HTR1D: variants seen among roughly 807,000 people sequenced by gnomAD.
HTR1D encodes the protein 5-HT-1D.
Under a neutral mutation model 21.1 loss-of-function variants are expected in HTR1D, and 18 were observed. The ratio of observed to expected loss-of-function variants is 0.85; its 90% CI spans 0.59 to 1.27. HTR1D has a LOEUF of 1.27. HTR1D is among the 50% of genes most tolerant of loss of function. The pLI is 0.00. For synonymous variants in HTR1D, 196 were observed against 204.4 expected, an observed-to-expected ratio of 0.96 and a Z score of 0.35; for missense variants, 456 against 481.4, an observed-to-expected ratio of 0.95 and a Z score of 0.49.
At chr1:23,201,523 T>C (rs138912244) in intron 1 of HTR1D, among the ~76,000 whole-genome samples, 1 of 152,284 alleles carries the variant, frequency 6.6e-6, no homozygotes, top group African/African-American at 2.4e-5. Context: ...CTCTGAGAAA[T>C]GGTAGTAAGA....
chr1:23,204,061 T>G (rs1186516616), intron 1 of HTR1D, among the ~76,000 whole-genome samples: 1 of 152,164 alleles, frequency 6.6e-6, no homozygotes, highest in African/African-American at 2.4e-5. Flanking sequence ...TCACCATGAT[T>G]GTGAGGCCTC....
chr1:23,193,053 A>G lies in HTR1D; in HGVS notation c.*33T>C, dbSNP rs767268781. ...GACAATCCCGATGAGGTTACAGGACACAAAAGATAACAAGAGTCATCACCG... is the reference window on the plus strand; with the variant it reads ...GACAATCCCGATGAGGTTACAGGACGCAAAAGATAACAAGAGTCATCACCG... On this transcript the variant is annotated 3_prime_UTR_variant, in exon 2 of 2. Coordinates refer to ENST00000374619, the MANE Select transcript of HTR1D (RefSeq NM_000864.5). 3 of 1,456,864 alleles carry G rather than the reference A, an allele frequency of 2.1e-6. No individual in the cohort carries two copies. Among genetic ancestry groups the G allele is most frequent in the African/African-American group, 2.8e-5 (2 of 70,226 alleles). The allele number at this position is 1,456,864 out of a possible 1,614,324, so 90.2% of individuals were successfully genotyped here.
At chr1:23,216,697 G>GA (rs1413952323) in intron 1 of HTR1D, among the ~76,000 whole-genome samples, 1 of 152,234 alleles carries the variant, frequency 6.6e-6, no homozygotes, top group Non-Finnish European at 1.5e-5. Context: ...ATCTAGCGGG[G>GA]ATCTCACTTA....
At chr1:23,213,822 G>A (rs942456424) in intron 1 of HTR1D, among the ~76,000 whole-genome samples, 1 of 152,144 alleles carries the variant, frequency 6.6e-6, no homozygotes, top group African/African-American at 2.4e-5. Context: ...GCTTCCCAAA[G>A]TGGTGGGATA....
In HTR1D at chr1:23,194,492, C is replaced by G; in HGVS notation, c.-273G>C. The G allele has an allele frequency of 4.6e-6, 1 of 219,368 alleles. No individual in the cohort carries two copies. The highest frequency in any genetic ancestry group is 9.9e-6 in the Non-Finnish European group (1 of 101,448). The allele number at this position is 219,368 out of a possible 1,614,324, so 13.6% of individuals were successfully genotyped here. A position where few individuals can be genotyped will look rare whatever the true frequency, so the allele number is the denominator to read the frequency against. ...TACCAGCTGGTAGTTAAAGGTCTTT[C>G]CTAAACCACAGGAATCCCAAGATGT... On this transcript the variant is annotated 5_prime_UTR_variant, in exon 2 of 2. Transcript: ENST00000374619.
At chr1:23,199,179 T>C (rs546041903) in intron 1 of HTR1D, among the ~76,000 whole-genome samples, 70 of 152,192 alleles carry the variant, frequency 4.6e-4, no homozygotes, top group Middle Eastern at 3.4e-3. Context: ...AGGGGCATGA[T>C]CACAGCTCAC....
At chr1:23,200,793 G>A (rs981892859) in intron 1 of HTR1D, among the ~76,000 whole-genome samples, 1 of 152,136 alleles carries the variant, frequency 6.6e-6, no homozygotes, top group Admixed American at 6.6e-5. Context: ...ATCACTGCCC[G>A]TTTTGGTGAG....
intron 1 of HTR1D, among the ~76,000 whole-genome samples, chr1:23,213,989 T>C (rs1644763883): frequency 6.6e-6 from 1 of 152,222 alleles, no homozygotes; most frequent in South Asian, 2.1e-4. Flanking sequence ...TCTCATTGCC[T>C]ACTGCTGGAA....
intron 1 of HTR1D, among the ~76,000 whole-genome samples, 196 bp from the exon 2 acceptor site, chr1:23,195,197 T>G (rs2148237992): frequency 6.6e-6 from 1 of 152,344 alleles, no homozygotes; most frequent in South Asian, 2.1e-4. Context: ...CAAAGAGTCG[T>G]AGCTTTTGGA....
In HTR1D at chr1:23,193,238, G is replaced by A. The variant is rs768488904; in HGVS notation, c.982C>T (p.Arg328Trp). The A allele has an allele frequency of 1.1e-5, 18 of 1,614,012 alleles. No homozygotes were observed. The highest frequency in any genetic ancestry group is 2.2e-5 in the East Asian group (1 of 44,890). ...FVVSLVLPIC[R>W]DSCWIHPALF... ...GCCGGGTGGATCCAGCAGGAGTCCC[G>A]GCAGATGGGGAGGACCAGAGACACC... The change falls in exon 2 of 2, where the codon CGG (arginine) becomes TGG (tryptophan). Residue 328 changes from arginine to tryptophan, a missense_variant. Physicochemically the swap from Arg to Trp is moderately radical, Grantham distance 101. Transcript: ENST00000374619.
At chr1:23,196,442 CAAAA>C (rs560936417) in intron 1 of HTR1D, among the ~76,000 whole-genome samples, 1 of 118,460 alleles carries the variant, frequency 8.4e-6, no homozygotes, top group Non-Finnish European at 1.8e-5. Context: ...GAAACTCTGC[CAAAA>C]AAAAAAAAAA....
intron 1 of HTR1D, among the ~76,000 whole-genome samples, chr1:23,196,454 AAAAG>A (rs1644689275): frequency 6.6e-6 from 1 of 151,688 alleles, no homozygotes; most frequent in East Asian, 2.0e-4. Flanking sequence ...AAAAAAAAAA[AAAAG>A]AAGGAGCAGC....
Position 23,193,995 on chromosome 1 carries a change from G to A in HTR1D, c.225C>T (p.Tyr75=). Residue 75 remains tyrosine, a synonymous_variant, in exon 2 of 2, where the codon TAC becomes TAT. Coordinates refer to ENST00000374619, the MANE Select transcript of HTR1D (RefSeq NM_000864.5). ...LTRKLHTPAN[Y]LIGSLATTDL... ...CGGTGGTGGCCAGGGAGCCAATCAGGTAGTTGGCAGGGGTGTGGAGCTTCC... is the reference window on the plus strand; with the variant it reads ...CGGTGGTGGCCAGGGAGCCAATCAGATAGTTGGCAGGGGTGTGGAGCTTCC... 1.2e-6 allele frequency: 2 copies of A among 1,614,150 alleles called. No individual in the cohort carries two copies. Among genetic ancestry groups the A allele is most frequent in the Non-Finnish European group, 1.7e-6 (2 of 1,180,026 alleles).
At chr1:23,215,182 CAAG>C (rs771333132) in intron 1 of HTR1D, among the ~76,000 whole-genome samples, 2 of 152,048 alleles carry the variant, frequency 1.3e-5, no homozygotes, top group Non-Finnish European at 2.9e-5. Context: ...TTTGGGAGGC[CAAG>C]GAGGGTGGAT....
rs1328619050 is a variant in HTR1D at position 23,194,093 on chromosome 1, CG to C, written c.126del (p.Val43TrpfsTer34). On this transcript the variant is annotated frameshift_variant, in exon 2 of 2. Coordinates refer to ENST00000374619, the MANE Select transcript of HTR1D (RefSeq NM_000864.5). LOFTEE classifies it high-confidence loss of function. ...GCCAGTGTGATGACGGAAAGGACCA[CG>C]GCAAGGGAGATCTTGAGCGCCTGGA... ...RTLQALKISLAVVLSVITLAT... is the reference protein window; with the variant it reads ...RTLQALKISLXVVLSVITLAT... The C allele has an allele frequency of 6.2e-7, 1 of 1,614,020 alleles. No homozygotes were observed. The highest frequency in any genetic ancestry group is 8.5e-7 in the Non-Finnish European group (1 of 1,180,042).
chr1:23,193,339 G>A lies in HTR1D; in HGVS notation c.881C>T (p.Ala294Val), dbSNP rs772577210. 6.2e-6 allele frequency: 10 copies of A among 1,614,046 alleles called. No homozygotes were observed. The highest frequency in any genetic ancestry group is 8.5e-6 in the Non-Finnish European group (10 of 1,180,046). Residue 294 changes from alanine to valine, a missense_variant, in exon 2 of 2, where the codon GCT becomes GTT. Transcript: ENST00000374619. ...SALERKRISA[A>V]RERKATKILG... ...GATTTTAGTGGCTTTCCTTTCTCGA[G>A]CAGCAGAAATCCTCTTGCGTTCCAG... is the stretch of plus-strand genomic sequence containing the variant.
At chr1:23,213,434 C>T (rs1284735283) in intron 1 of HTR1D, among the ~76,000 whole-genome samples, 1 of 152,092 alleles carries the variant, frequency 6.6e-6, no homozygotes, top group African/African-American at 2.4e-5. Flanking sequence ...GAGCTGAAAT[C>T]GCACCATTGC....
At chr1:23,195,247 G>A (rs979635258) in intron 1 of HTR1D, among the ~76,000 whole-genome samples, 23 of 152,140 alleles carry the variant, frequency 1.5e-4, no homozygotes, top group African/African-American at 5.6e-4. Flanking sequence ...AATCAGCTCT[G>A]TAAGTTGTGA....
intron 1 of HTR1D, among the ~76,000 whole-genome samples, chr1:23,208,997 CTTTT>C (rs202088436): frequency 3.7e-5 from 5 of 133,742 alleles, no homozygotes; most frequent in Non-Finnish European, 4.7e-5. Context: ...AAAATTTTCA[CTTTT>C]TTTTTTTTTT....
Sources: gnomAD v4.1 joint callset for allele counts (sites outside exome capture counted in the v4.1 genomes callset) on GRCh38, gnomAD v4.1.1 for gene constraint, MANE v1.5 for transcripts, NCBI Gene and HGNC (gene_info 2026-07-23, HGNC 2026-07-21) for gene names.